MALRD1: variants seen among roughly 807,000 people sequenced by gnomAD.
MALRD1 encodes MAM and LDL receptor class A domain containing 1.
Under a neutral mutation model 242.1 loss-of-function variants are expected in MALRD1, and 247 were observed. The observed-to-expected ratio is 1.02, with a 90% CI of 0.92 to 1.13. MALRD1 has a LOEUF of 1.13. Among genes scored for constraint, MALRD1 ranks in the 50% most tolerant of loss-of-function variants. The probability of loss-of-function intolerance (pLI) is 0.00; values close to 1 mark genes in which losing one functional copy is unlikely to be tolerated. For missense variants in MALRD1, 2,989 were observed against 2,533.1 expected, an observed-to-expected ratio of 1.18 and a Z score of -3.86; for synonymous variants, 995 against 866.6, an observed-to-expected ratio of 1.15 and a Z score of -2.60.
intron 24 of MALRD1, among the ~76,000 whole-genome samples, chr10:19,338,412 G>C (rs1248255778): frequency 1.3e-5 from 2 of 151,994 alleles, no homozygotes; most frequent in African/African-American, 4.8e-5. Flanking sequence ...CATGTATTTG[G>C]AATCATACAA....
At chr10:19,277,040 C>G (rs999761470) in intron 19 of MALRD1, among the ~76,000 whole-genome samples, 9 of 152,100 alleles carry the variant, frequency 5.9e-5, no homozygotes, top group Admixed American at 3.9e-4. Flanking sequence ...CCACCTTAGC[C>G]TCCCAAGTAG....
Position 19,460,855 on chromosome 10 carries a change from G to T in MALRD1, c.5029+10365G>T, listed in dbSNP as rs573762330. On this transcript the variant is annotated intron_variant, in intron 29 of 39. Transcript: ENST00000454679. ...GCACATGGATAACTCATCTGAAAAC[G>T]TTGGTTGAAGCACACTCTGCGCAGT... 4.6e-3 allele frequency among the ~76,000 whole-genome samples: 693 copies of T among 152,264 alleles called. 7 individuals are homozygous for T. Among genetic ancestry groups the T allele is most frequent in the Non-Finnish European group, 7.4e-3 (506 of 68,014 alleles).
intron 35 of MALRD1, among the ~76,000 whole-genome samples, chr10:19,613,305 C>A (rs1838987583): frequency 6.6e-6 from 1 of 151,914 alleles, no homozygotes; most frequent in South Asian, 2.1e-4. Context: ...TTCCAGTGCC[C>A]ACAGGTCGGG....
At chr10:19,566,757 C>T (rs1268075373) in intron 32 of MALRD1, among the ~76,000 whole-genome samples, 1 of 151,460 alleles carries the variant, frequency 6.6e-6, no homozygotes, top group Non-Finnish European at 1.5e-5. Flanking sequence ...ACGTTGGTAT[C>T]TGATAACTAT....
intron 36 of MALRD1, among the ~76,000 whole-genome samples, chr10:19,686,401 C>T (rs1842583147): frequency 6.6e-6 from 1 of 152,166 alleles, no homozygotes; most frequent in Non-Finnish European, 1.5e-5. Context: ...CGCATGCTCA[C>T]TCGAGGCGTT....
intron 28 of MALRD1, among the ~76,000 whole-genome samples, chr10:19,391,857 A>G (rs1846350561): frequency 6.6e-6 from 1 of 152,208 alleles, no homozygotes; most frequent in Non-Finnish European, 1.5e-5. Flanking sequence ...TCAGATCTTC[A>G]GAAAAGGGAC....
chr10:19,637,451 T>A (rs188847765), intron 36 of MALRD1, among the ~76,000 whole-genome samples: 12 of 152,294 alleles, frequency 7.9e-5, no homozygotes, highest in African/African-American at 2.9e-4. Flanking sequence ...TGTCACCAGG[T>A]AAAGTGACTT....
At chr10:19,411,524 A>G (rs1833275846) in intron 28 of MALRD1, among the ~76,000 whole-genome samples, 1 of 152,208 alleles carries the variant, frequency 6.6e-6, no homozygotes, top group Non-Finnish European at 1.5e-5. Flanking sequence ...AGTGCAAAAA[A>G]GCTACCATGA....
rs185302690 is a variant in MALRD1 at position 19,307,982 on chromosome 10, G to C, written c.3420-15967G>C. Among the ~76,000 whole-genome samples the C allele has an allele frequency of 1.1e-4, 17 of 151,528 alleles. No homozygotes were observed. The East Asian group carries it at 3.1e-3, about 28-fold the overall frequency. On this transcript the variant is annotated intron_variant, in intron 21 of 39. Transcript: ENST00000454679. ...GCATGAAATGAGAAATCACGTCATA[G>C]AGAATGGGGTATCCATTCCTTCAAG...
In MALRD1 at chr10:19,470,514, C is replaced by T. The variant is rs969146135; in HGVS notation, c.5029+20024C>T. On this transcript the variant is annotated intron_variant, in intron 29 of 39. Coordinates refer to ENST00000454679, the MANE Select transcript of MALRD1 (RefSeq NM_001142308.3). ...TTATTTTTAATTTTTTAAGGAAACTCTCTACTGTTTTCTGTATGGTTGTAC... is the reference window on the plus strand; with the variant it reads ...TTATTTTTAATTTTTTAAGGAAACTTTCTACTGTTTTCTGTATGGTTGTAC... 2.6e-5 allele frequency among the ~76,000 whole-genome samples: 4 copies of T among 152,084 alleles called. No homozygotes were observed. The South Asian group carries it at 8.3e-4, about 32-fold the overall frequency.
intron 19 of MALRD1, among the ~76,000 whole-genome samples, chr10:19,270,373 CACA>C (rs1840171971): frequency 1.4e-5 from 2 of 146,646 alleles, no homozygotes; most frequent in South Asian, 2.1e-4. Context: ...CACACACACA[CACA>C]CCAGACTGCT....
chr10:19,063,108 C>G (rs1402936251), intron 1 of MALRD1, among the ~76,000 whole-genome samples: 1 of 151,906 alleles, frequency 6.6e-6, no homozygotes, highest in Non-Finnish European at 1.5e-5. Context: ...ATTGCACCAT[C>G]ACACTCCAGC....
At chr10:19,369,594 T>C (rs865878495) in intron 26 of MALRD1, among the ~76,000 whole-genome samples, 2 of 149,312 alleles carry the variant, frequency 1.3e-5, no homozygotes, top group Middle Eastern at 7.1e-3. Flanking sequence ...TCCATATAAA[T>C]ATAGCCGCAT....
chr10:19,560,101 C>T (rs900750385), intron 32 of MALRD1, among the ~76,000 whole-genome samples: 5 of 152,160 alleles, frequency 3.3e-5, no homozygotes, highest in African/African-American at 1.2e-4. Flanking sequence ...GGATCTAGAA[C>T]CAGAAATACT....
At chr10:19,293,118 G>T (rs891062825) in intron 21 of MALRD1, among the ~76,000 whole-genome samples, 5 of 152,044 alleles carry the variant, frequency 3.3e-5, no homozygotes, top group African/African-American at 1.2e-4. Flanking sequence ...ATATTTTATA[G>T]GCCAGTTTAG....
chr10:19,311,877 T>C (rs1469133662), intron 21 of MALRD1, among the ~76,000 whole-genome samples: 1 of 151,542 alleles, frequency 6.6e-6, no homozygotes. Context: ...TTGTGACATT[T>C]TGTACTCATG....
chr10:19,229,887 T>C lies in MALRD1; in HGVS notation c.2991+20207T>C, dbSNP rs1837973743. Among the ~76,000 whole-genome samples, 3 of 152,170 alleles carry C rather than the reference T, an allele frequency of 2.0e-5. No homozygotes were observed. In the South Asian group the frequency reaches 6.2e-4, roughly 32 times the overall value. ...GAAAGTTATTACTGTCTGATATGGC[T>C]TGGCTGTGTCCCCACCCAAATCTCA... is the stretch of plus-strand genomic sequence containing the variant. On this transcript the variant is annotated intron_variant, in intron 18 of 39. Transcript: ENST00000454679.
At chr10:19,068,195 G>A (rs1039869216) in intron 2 of MALRD1, among the ~76,000 whole-genome samples, 5 of 151,652 alleles carry the variant, frequency 3.3e-5, no homozygotes, top group South Asian at 4.2e-4. Context: ...TTTGTTTGTC[G>A]GTGGCTCTTA....
chr10:19,395,368 T>C (rs752711633), intron 28 of MALRD1, among the ~76,000 whole-genome samples: 11 of 152,136 alleles, frequency 7.2e-5, no homozygotes, highest in Non-Finnish European at 1.5e-4. Flanking sequence ...AAGATAAACA[T>C]TGGTTTGTTC....
Sources: gnomAD v4.1 joint callset for allele counts (sites outside exome capture counted in the v4.1 genomes callset) on GRCh38, gnomAD v4.1.1 for gene constraint, MANE v1.5 for transcripts, NCBI Gene and HGNC (gene_info 2026-07-23, HGNC 2026-07-21) for gene names.